The following AZIN1 variants were observed in gnomAD, a reference collection of about 807,000 sequenced individuals.
AZIN1 encodes the protein antizyme inhibitor 1.
Under a neutral mutation model 47.4 loss-of-function variants are expected in AZIN1, and 12 were observed. That is an observed-to-expected ratio of 0.25 (90% CI 0.16 to 0.41). The LOEUF (loss-of-function observed/expected upper bound fraction) is 0.41. AZIN1 is among the 10% of genes least tolerant of loss of function. The probability of loss-of-function intolerance (pLI) is 1.00; values close to 1 mark genes in which losing one functional copy is unlikely to be tolerated. For synonymous variants in AZIN1, 155 were observed against 176.3 expected, an observed-to-expected ratio of 0.88 and a Z score of 0.96; for missense variants, 410 against 532.4, an observed-to-expected ratio of 0.77 and a Z score of 2.26.
intron 1 of AZIN1, among the ~76,000 whole-genome samples, chr8:102,862,590 G>A (rs1264115563): frequency 1.3e-5 from 2 of 152,188 alleles, no homozygotes; most frequent in African/African-American, 2.4e-5. Context: ...CATGAGCCAT[G>A]TTTCTGCCAA....
chr8:102,845,560 G>A (rs1346572411), intron 2 of AZIN1, among the ~76,000 whole-genome samples: 1 of 152,060 alleles, frequency 6.6e-6, no homozygotes, highest in Admixed American at 6.6e-5. Flanking sequence ...GACATTTTAG[G>A]CTAAGAATAC....
chr8:102,828,841 C>T (rs1811257536), intron 11 of AZIN1, among the ~76,000 whole-genome samples, 163 bp from the exon 12 acceptor site: 2 of 152,182 alleles, frequency 1.3e-5, no homozygotes, highest in African/African-American at 4.8e-5. Context: ...ATGTTTTGGT[C>T]AAAGACTACA....
chr8:102,839,895 G>A, intron 3 of AZIN1, 72 bp from the exon 4 acceptor site: 1 of 1,094,876 alleles, frequency 9.1e-7, no homozygotes, highest in Non-Finnish European at 1.3e-6. Flanking sequence ...AAACAGGAAA[G>A]AACACCTCTT....
chr8:102,857,669 T>C (rs1197912673), intron 2 of AZIN1, among the ~76,000 whole-genome samples: 1 of 152,130 alleles, frequency 6.6e-6, no homozygotes, highest in African/African-American at 2.4e-5. Context: ...AACAATCAGT[T>C]AGTTGTTCCT....
intron 2 of AZIN1, among the ~76,000 whole-genome samples, chr8:102,852,198 T>C (rs1812957209): frequency 6.6e-6 from 1 of 152,174 alleles, no homozygotes; most frequent in Non-Finnish European, 1.5e-5. Flanking sequence ...ACCATACTTG[T>C]TTAGGAGATC....
At chr8:102,848,746 A>C (rs1314111485) in intron 2 of AZIN1, among the ~76,000 whole-genome samples, 1 of 152,198 alleles carries the variant, frequency 6.6e-6, no homozygotes, top group African/African-American at 2.4e-5. Flanking sequence ...CAGTTTTCTT[A>C]ATATATTAGC....
Position 102,826,382 on chromosome 8 carries a change from T to C in AZIN1, c.*2185A>G, listed in dbSNP as rs1811113326. On this transcript the variant is annotated 3_prime_UTR_variant, in exon 12 of 12. Coordinates refer to ENST00000337198, the MANE Select transcript of AZIN1 (RefSeq NM_148174.4). Reference sequence around the variant, plus strand: ...TGAGGAATAAAAACATTTATCTATGTATTCAGAATCACACACAAGTTACCT... The same window carrying C: ...TGAGGAATAAAAACATTTATCTATGCATTCAGAATCACACACAAGTTACCT... 2 of 152,682 alleles carry C rather than the reference T, an allele frequency of 1.3e-5. 1 individual carries two copies. The highest frequency in any genetic ancestry group is 4.1e-4 in the South Asian group (2 of 4,832). The allele number at this position is 152,682 out of a possible 1,614,324, so 9.5% of individuals were successfully genotyped here.
chr8:102,841,993 C>G (rs555900925), intron 3 of AZIN1, among the ~76,000 whole-genome samples: 2 of 152,150 alleles, frequency 1.3e-5, no homozygotes, highest in East Asian at 3.9e-4. Context: ...CGCCTGTAAT[C>G]CCAGCTACTT....
intron 6 of AZIN1, 67 bp downstream of exon 6, chr8:102,836,189 A>T (rs955294529): frequency 2.7e-6 from 4 of 1,485,992 alleles, no homozygotes; most frequent in Non-Finnish European, 3.7e-6. Context: ...TCTTAAATCA[A>T]TAACCAGAAA....
intron 1 of AZIN1, among the ~76,000 whole-genome samples, chr8:102,862,093 A>C (rs1239612537): frequency 6.6e-6 from 1 of 152,106 alleles, no homozygotes; most frequent in Non-Finnish European, 1.5e-5. Context: ...TGAAAGGACA[A>C]GAAAAAACTT....
At chr8:102,830,401 C>CAAAAAAAAA (rs34437491) in intron 9 of AZIN1, among the ~76,000 whole-genome samples, 1 of 90,588 alleles carries the variant, frequency 1.1e-5, no homozygotes, top group Non-Finnish European at 2.2e-5. Context: ...GACCCTGTCT[C>CAAAAAAAAA]AAAAAAAAAA....
intron 8 of AZIN1, among the ~76,000 whole-genome samples, chr8:102,833,959 GAA>G (rs1811649091): frequency 1.3e-5 from 2 of 150,686 alleles, no homozygotes; most frequent in East Asian, 3.9e-4. Context: ...ATTAAGTACA[GAA>G]ACACAACTGA....
chr8:102,851,970 G>A (rs988540155), intron 2 of AZIN1, among the ~76,000 whole-genome samples: 2 of 152,170 alleles, frequency 1.3e-5, no homozygotes, highest in Admixed American at 6.5e-5. Flanking sequence ...GTGGCAAACA[G>A]TTTTCAAGTC....
At chr8:102,838,663 G>T in intron 5 of AZIN1, 81 bp downstream of exon 5, 1 of 1,155,288 alleles carries the variant, frequency 8.7e-7, no homozygotes, top group Non-Finnish European at 1.2e-6. Context: ...TACCACAAAT[G>T]CTCCTTTCTT....
chr8:102,842,126 A>G (rs1054696955), intron 3 of AZIN1, among the ~76,000 whole-genome samples: 1 of 152,172 alleles, frequency 6.6e-6, no homozygotes, highest in Non-Finnish European at 1.5e-5. Context: ...AGAAAAAAAA[A>G]AAGAAAATCA....
In AZIN1 at chr8:102,828,578, C is replaced by A. The variant is rs142723729; in HGVS notation, c.1336G>T (p.Ala446Ser). The A allele has an allele frequency of 6.2e-7, 1 of 1,605,194 alleles. No individual in the cohort carries two copies. Among genetic ancestry groups the A allele is most frequent in the Non-Finnish European group, 8.5e-7 (1 of 1,173,292 alleles). The change falls in exon 12 of 12, where the codon GCT (alanine) becomes TCT (serine). Residue 446 changes from alanine (A) to serine (S), a missense_variant. This residue lies in a region of AZIN1 where 168 missense variants were observed against 198.3 expected (regional missense o/e 0.85). Coordinates refer to ENST00000337198, the MANE Select transcript of AZIN1 (RefSeq NM_148174.4). ...IQLSQEDSFS[A>S]EA ...GCGTTAATGCCTGTTTAAGCTTCAG[C>A]GGAAAAGCTGTCTTCTTGGCTCAGC...
chr8:102,847,363 AAAAAAAC>A (rs1812631767), intron 2 of AZIN1, among the ~76,000 whole-genome samples: 1 of 146,374 alleles, frequency 6.8e-6, no homozygotes, highest in Non-Finnish European at 1.5e-5. Context: ...AAAAAAAAAA[AAAAAAAC>A]AATAAAGCTC....
At position 102,829,336 on chromosome 8, in the gene AZIN1, C is replaced by T. The variant is rs369799853; in HGVS notation, c.1171G>A (p.Glu391Lys). The T allele has an allele frequency of 1.2e-6, 2 of 1,613,926 alleles. No individual in the cohort carries two copies. The highest frequency in any genetic ancestry group is 1.3e-5 in the African/African-American group (1 of 75,028). The change falls in exon 11 of 12, where the codon GAA becomes AAA. Residue 391 changes from glutamate to lysine, a missense_variant. This residue lies in a region of AZIN1 where 168 missense variants were observed against 198.3 expected (regional missense o/e 0.85). Transcript: ENST00000337198. ...FDNMGADSFH[E>K]PSAFNDFQRP... ...TGAAAATCATTAAAAGCAGATGGTT[C>T]ATGGAAAGAATCTGCTCCCATGTTA...
At chr8:102,846,902 T>C (rs1033781280) in intron 2 of AZIN1, among the ~76,000 whole-genome samples, 5 of 152,178 alleles carry the variant, frequency 3.3e-5, no homozygotes, top group Non-Finnish European at 4.4e-5. Flanking sequence ...AAGACTTTTA[T>C]AGAAGCTAAA....
Sources: gnomAD v4.1 joint callset for allele counts (sites outside exome capture counted in the v4.1 genomes callset) on GRCh38, gnomAD v4.1.1 for gene constraint, gnomAD v4.1.1 regional missense constraint, MANE v1.5 for transcripts, NCBI Gene and HGNC (gene_info 2026-07-23, HGNC 2026-07-21) for gene names.